LRP1B: variants seen among roughly 807,000 people sequenced by gnomAD.
LRP1B encodes the protein LDL receptor related protein 1B.
A neutral mutation model predicts 556.6 loss-of-function variants in LRP1B; 217 were observed. The ratio of observed to expected loss-of-function variants is 0.39; its 90% confidence interval spans 0.35 to 0.44. The LOEUF (loss-of-function observed/expected upper bound fraction) is 0.44, where lower values mean the gene tolerates loss of function less well. LRP1B is among the 20% of genes least tolerant of loss of function. LRP1B has a pLI of 1.00. For synonymous variants in LRP1B, 2,047 were observed against 1,865.8 expected (o/e 1.10, Z -2.50); for missense variants, 5,053 against 5,620.8 (o/e 0.90, Z 3.23).
rs957037013 is a variant in LRP1B at position 140,241,751 on chromosome 2, ACAGGTATTTTTAAAATT to A, written c.13325-2236_13325-2220del. On this transcript the variant is annotated intron_variant, in intron 87 of 90. Transcript: ENST00000389484. ...TAAAATAGTTTTTATTGCTGGAAAC[ACAGGTATTTTTAAAATT>A]AACAGATATTATAAAAATAAGTACT... is the stretch of plus-strand genomic sequence containing the variant. Among the ~76,000 whole-genome samples, 17 of 150,802 alleles carry A rather than the reference ACAGGTATTTTTAAAATT, an allele frequency of 1.1e-4. No homozygotes were observed. In the Admixed American group the frequency reaches 1.1e-3, roughly 10 times the overall value.
At chr2:141,308,488 G>A (rs1207974343) in intron 3 of LRP1B, among the ~76,000 whole-genome samples, 1 of 152,142 alleles carries the variant, frequency 6.6e-6, no homozygotes, top group East Asian at 1.9e-4. Context: ...ACTGTCCTGA[G>A]CATTTATCTT....
intron 6 of LRP1B, among the ~76,000 whole-genome samples, chr2:141,206,190 C>T (rs947564412): frequency 1.3e-5 from 2 of 152,002 alleles, no homozygotes; most frequent in Non-Finnish European, 2.9e-5. Flanking sequence ...ACCAAGAAAA[C>T]TGTTTTTAAG....
intron 43 of LRP1B, among the ~76,000 whole-genome samples, chr2:140,582,890 T>G (rs1681829303): frequency 6.6e-6 from 1 of 152,160 alleles, no homozygotes; most frequent in Non-Finnish European, 1.5e-5. Flanking sequence ...CAAATGCAAA[T>G]GGACTGGCCA....
chr2:142,031,850 AG>A (rs1370571599), intron 1 of LRP1B, among the ~76,000 whole-genome samples: 1 of 151,818 alleles, frequency 6.6e-6, no homozygotes, highest in Admixed American at 6.6e-5. Flanking sequence ...ATAGTGGAGT[AG>A]AATGGGCCCC....
chr2:140,340,078 C>CTT (rs200529769), intron 77 of LRP1B, among the ~76,000 whole-genome samples: 1 of 147,994 alleles, frequency 6.8e-6, no homozygotes, highest in Non-Finnish European at 1.5e-5. Flanking sequence ...TTTTGTTACT[C>CTT]TTTTTTTTTT....
chr2:141,126,208 A>G (rs942829801), intron 7 of LRP1B, among the ~76,000 whole-genome samples: 1 of 151,824 alleles, frequency 6.6e-6, no homozygotes, highest in East Asian at 1.9e-4. Context: ...ATTTTTTTGT[A>G]TTTTTAGTAG....
At chr2:141,606,584 G>C (rs1207042677) in intron 2 of LRP1B, among the ~76,000 whole-genome samples, 2 of 152,180 alleles carry the variant, frequency 1.3e-5, no homozygotes, top group African/African-American at 4.8e-5. Context: ...GTCTAAATGA[G>C]GCCTTTAGCA....
chr2:141,795,566 G>A (rs1016012690), intron 2 of LRP1B, among the ~76,000 whole-genome samples: 2 of 151,740 alleles, frequency 1.3e-5, no homozygotes, highest in African/African-American at 4.8e-5. Context: ...AATAATGACA[G>A]GCAGTCAGTA....
chr2:141,635,097 C>T (rs1398328393), intron 2 of LRP1B, among the ~76,000 whole-genome samples: 2 of 150,314 alleles, frequency 1.3e-5, no homozygotes, highest in African/African-American at 2.5e-5. Flanking sequence ...AGACTTACTC[C>T]CATTCATTCC....
intron 66 of LRP1B, among the ~76,000 whole-genome samples, chr2:140,403,027 CTCATACAGTCT>C (rs1408202584): frequency 6.6e-6 from 1 of 152,070 alleles, no homozygotes; most frequent in Non-Finnish European, 1.5e-5. Context: ...ATTCAAGGAA[CTCATACAGTCT>C]TCACCCCTAA....
intron 2 of LRP1B, among the ~76,000 whole-genome samples, chr2:141,745,620 C>T (rs1297231752): frequency 6.6e-6 from 1 of 150,518 alleles, no homozygotes; most frequent in South Asian, 2.1e-4. Context: ...AAATGCCATC[C>T]AAGAGTCAAG....
At chr2:140,958,778 AC>A (rs1408547504) in intron 18 of LRP1B, among the ~76,000 whole-genome samples, 1 of 151,662 alleles carries the variant, frequency 6.6e-6, no homozygotes, top group South Asian at 2.1e-4. Flanking sequence ...TTAACCTGCA[AC>A]AATTTTAAAT....
At chr2:140,989,785 T>C in intron 16 of LRP1B, 128 bp from the exon 17 acceptor site, 1 of 799,582 alleles carries the variant, frequency 1.3e-6, no homozygotes, top group Admixed American at 2.6e-5. Flanking sequence ...AGTCTGTCAT[T>C]CATTGCCTTA....
chr2:141,510,571 G>A (rs918670182), intron 2 of LRP1B, among the ~76,000 whole-genome samples: 2 of 151,986 alleles, frequency 1.3e-5, no homozygotes, highest in African/African-American at 4.8e-5. Context: ...AATAAGCCTT[G>A]AGTAAAATCT....
At chr2:141,788,681 C>T (rs1695504450) in intron 2 of LRP1B, among the ~76,000 whole-genome samples, 1 of 150,656 alleles carries the variant, frequency 6.6e-6, no homozygotes, top group South Asian at 2.1e-4. Context: ...ATCCCTTCCC[C>T]TTCCCCCCAC....
chr2:142,005,843 T>G (rs1702783932), intron 1 of LRP1B, among the ~76,000 whole-genome samples: 1 of 151,586 alleles, frequency 6.6e-6, no homozygotes. Context: ...ACTTTAGGCT[T>G]TGGGGAGAAA....
chr2:141,610,018 A>G (rs1385442054), intron 2 of LRP1B, among the ~76,000 whole-genome samples: 1 of 152,218 alleles, frequency 6.6e-6, no homozygotes, highest in Non-Finnish European at 1.5e-5. Context: ...GGGACAGATC[A>G]TTCGAATTCT....
chr2:140,679,337 T>C (rs886465267), intron 41 of LRP1B, among the ~76,000 whole-genome samples: 1 of 152,182 alleles, frequency 6.6e-6, no homozygotes, highest in Admixed American at 6.5e-5. Context: ...TCATAACAAT[T>C]TTTTTAAAAA....
At chr2:141,881,663 T>TG (rs992585127) in intron 1 of LRP1B, among the ~76,000 whole-genome samples, 1 of 151,490 alleles carries the variant, frequency 6.6e-6, no homozygotes, top group African/African-American at 2.4e-5. Context: ...TATTATTAGG[T>TG]GAAAAAAAAA....
Sources: allele counts gnomAD v4.1 joint callset (sites outside exome capture counted in the v4.1 genomes callset), GRCh38; gene constraint gnomAD v4.1.1; transcripts MANE v1.5; gene names NCBI Gene and HGNC (gene_info 2026-07-23, HGNC 2026-07-21).